Variants in ERP44 observed in about 807,000 individuals in gnomAD.
ERP44 encodes the protein endoplasmic reticulum protein 44, also known as endoplasmic reticulum resident protein 44.
ERP44 carries 25 observed loss-of-function variants against 53.4 expected under a neutral mutation model. That is an observed-to-expected ratio of 0.47 (90% CI 0.34 to 0.65). The LOEUF (loss-of-function observed/expected upper bound fraction) is 0.65, where lower values mean the gene tolerates loss of function less well. ERP44 is among the 30% of genes least tolerant of loss of function. ERP44 has a pLI of 0.01. For synonymous variants in ERP44, 145 were observed against 161.2 expected (o/e 0.90, Z 0.76); for missense variants, 338 against 493.2 (o/e 0.69, Z 2.98).
At chr9:100,063,228 T>G (rs1490467974) in intron 1 of ERP44, among the ~76,000 whole-genome samples, 3 of 152,274 alleles carry the variant, frequency 2.0e-5, no homozygotes, top group East Asian at 1.9e-4. Flanking sequence ...TTAAAAATAC[T>G]GTGCTAATAA....
chr9:100,043,291 A>AAAG (rs1168903331), intron 4 of ERP44, among the ~76,000 whole-genome samples: 1,024 of 74,870 alleles, frequency 0.014, 329 homozygotes, highest in African/African-American at 0.053. Flanking sequence ...AAAAAAAAAA[A>AAAG]GATAAATAAG....
At chr9:100,026,315 C>T (rs1325349726) in intron 4 of ERP44, among the ~76,000 whole-genome samples, 1 of 152,064 alleles carries the variant, frequency 6.6e-6, no homozygotes, top group Non-Finnish European at 1.5e-5. Flanking sequence ...CCACATGCAG[C>T]CAAGACATTT....
chr9:100,055,984 A>G (rs1587976470), intron 3 of ERP44, among the ~76,000 whole-genome samples: 1 of 152,234 alleles, frequency 6.6e-6, no homozygotes, highest in African/African-American at 2.4e-5. Flanking sequence ...ATAAAAGAGT[A>G]TTAATTCATC....
At position 100,060,225 on chromosome 9, in the gene ERP44, C is replaced by A. The variant is rs932665656; in HGVS notation, c.58-53G>T. 6.6e-6 allele frequency: 9 copies of A among 1,368,142 alleles called. No homozygotes were observed. The East Asian group carries it at 2.1e-4, about 31-fold the overall frequency. The allele number at this position is 1,368,142 out of a possible 1,614,324, so 84.8% of individuals were successfully genotyped here. On this transcript the variant is annotated intron_variant, in intron 1 of 11. Coordinates refer to ENST00000262455, the MANE Select transcript of ERP44 (RefSeq NM_015051.3). Reference sequence around the variant, plus strand: ...TAAATGTGTCCACAAAAGACAAATACGTAAAAGCGAAGTCTAAAAATAAAT... The same window carrying A: ...TAAATGTGTCCACAAAAGACAAATAAGTAAAAGCGAAGTCTAAAAATAAAT...
intron 11 of ERP44, 121 bp from the exon 12 acceptor site, chr9:99,982,834 G>A: frequency 2.1e-6 from 1 of 473,248 alleles, no homozygotes; most frequent in Non-Finnish European, 3.6e-6. Flanking sequence ...ATCAATAAAA[G>A]CAACTGTGTG....
At chr9:99,998,342 C>A in intron 10 of ERP44, 1 of 549,200 alleles carries the variant, frequency 1.8e-6, no homozygotes, top group South Asian at 2.0e-5. Context: ...GTCCCCGAAC[C>A]TTTTGCCTTG....
intron 8 of ERP44, among the ~76,000 whole-genome samples, chr9:100,009,134 C>T (rs1040348335): frequency 6.6e-5 from 10 of 151,900 alleles, no homozygotes; most frequent in Non-Finnish European, 1.2e-4. Context: ...TTTTTTGAGA[C>T]GGAGTCTCAC....
chr9:100,065,388 C>A (rs1390785806), intron 1 of ERP44, among the ~76,000 whole-genome samples: 1 of 152,070 alleles, frequency 6.6e-6, no homozygotes, highest in East Asian at 1.9e-4. Context: ...ACAAAATTGC[C>A]TAATGACACA....
chr9:100,027,338 A>T (rs1025714848), intron 4 of ERP44, among the ~76,000 whole-genome samples: 2 of 152,266 alleles, frequency 1.3e-5, no homozygotes, highest in African/African-American at 4.8e-5. Flanking sequence ...TCATTCTCAA[A>T]CAACATCCTG....
At chr9:99,985,224 T>C (rs534620819) in intron 10 of ERP44, among the ~76,000 whole-genome samples, 155 bp from the exon 11 acceptor site, 3 of 152,232 alleles carry the variant, frequency 2.0e-5, no homozygotes, top group Non-Finnish European at 4.4e-5. Context: ...TTTTACACAG[T>C]TGTAAGCATA....
At chr9:100,076,682 A>G (rs1826360241) in intron 1 of ERP44, among the ~76,000 whole-genome samples, 1 of 152,234 alleles carries the variant, frequency 6.6e-6, no homozygotes, top group Non-Finnish European at 1.5e-5. Context: ...TTGGTGACAA[A>G]GAAATTGGGG....
intron 4 of ERP44, among the ~76,000 whole-genome samples, chr9:100,033,279 C>A (rs1825811922): frequency 6.6e-6 from 1 of 152,084 alleles, no homozygotes; most frequent in Non-Finnish European, 1.5e-5. Flanking sequence ...ACTTGTAGAG[C>A]CAATAAAAGC....
At chr9:99,987,956 T>A (rs1399207729) in intron 10 of ERP44, among the ~76,000 whole-genome samples, 2 of 152,226 alleles carry the variant, frequency 1.3e-5, no homozygotes, top group Non-Finnish European at 2.9e-5. Context: ...GCTACAAACA[T>A]TTGTGCACAA....
intron 10 of ERP44, among the ~76,000 whole-genome samples, chr9:99,990,606 C>G (rs989055904): frequency 2.6e-4 from 40 of 152,166 alleles, no homozygotes; most frequent in African/African-American, 8.4e-4. Context: ...ACTGCATCAA[C>G]TAATGAGCAA....
chr9:100,003,826 C>T (rs752785671), intron 10 of ERP44, among the ~76,000 whole-genome samples: 8 of 152,070 alleles, frequency 5.3e-5, no homozygotes, highest in Non-Finnish European at 1.0e-4. Context: ...GTCAAGAGTC[C>T]ACAGGGGCTG....
intron 10 of ERP44, among the ~76,000 whole-genome samples, chr9:99,996,784 G>T (rs1459457173): frequency 6.6e-6 from 1 of 152,024 alleles, no homozygotes; most frequent in Non-Finnish European, 1.5e-5. Context: ...TACAATGTTT[G>T]GTTTTCCATT....
At chr9:100,009,324 G>A (rs1265985972) in intron 8 of ERP44, among the ~76,000 whole-genome samples, 1 of 151,844 alleles carries the variant, frequency 6.6e-6, no homozygotes, top group Admixed American at 6.6e-5. Flanking sequence ...ATGTTGGCCA[G>A]GATGGTCTCA....
At chr9:100,018,108 G>A in intron 7 of ERP44, 148 bp downstream of exon 7, 1 of 587,910 alleles carries the variant, frequency 1.7e-6, no homozygotes. Flanking sequence ...TCATTTTGAA[G>A]GGTTTAGATC....
chr9:100,008,494 A>G (rs1044935678), intron 8 of ERP44, among the ~76,000 whole-genome samples: 1 of 152,210 alleles, frequency 6.6e-6, no homozygotes. Flanking sequence ...CTCATCAGAA[A>G]AAGTCCAGAA....
Sources: allele counts gnomAD v4.1 joint callset (sites outside exome capture counted in the v4.1 genomes callset), GRCh38; gene constraint gnomAD v4.1.1; transcripts MANE v1.5; gene names NCBI Gene and HGNC (gene_info 2026-07-23, HGNC 2026-07-21).